Variants in CNTNAP2 observed in about 807,000 individuals in gnomAD.
The protein encoded by CNTNAP2 is contactin associated protein 2, also known as contactin-associated protein-like 2.
Under a neutral mutation model 155.2 loss-of-function variants are expected in CNTNAP2, and 98 were observed. The ratio of observed to expected loss-of-function variants is 0.63; its 90% CI spans 0.54 to 0.75. CNTNAP2 has a LOEUF of 0.75. Among genes scored for constraint, CNTNAP2 ranks in the 30% least tolerant of loss-of-function variants. The pLI, the probability that CNTNAP2 is intolerant of heterozygous loss-of-function variation, is 0.00. For missense variants in CNTNAP2, 1,727 were observed against 1,688.1 expected (o/e 1.02, Z -0.40); for synonymous variants, 651 against 631.2 (o/e 1.03, Z -0.47).
chr7:147,019,743 T>A (rs1190370949), intron 3 of CNTNAP2, among the ~76,000 whole-genome samples: 1 of 152,070 alleles, frequency 6.6e-6, no homozygotes, highest in Non-Finnish European at 1.5e-5. Flanking sequence ...AAAACAAGTG[T>A]GTGAATCTTT....
chr7:146,521,145 G>A (rs995327404), intron 1 of CNTNAP2, among the ~76,000 whole-genome samples: 1 of 151,782 alleles, frequency 6.6e-6, no homozygotes, highest in African/African-American at 2.4e-5. Context: ...TGTAACAGAG[G>A]TTGCCAAGCC....
At chr7:146,252,897 T>C (rs953398820) in intron 1 of CNTNAP2, among the ~76,000 whole-genome samples, 3 of 152,084 alleles carry the variant, frequency 2.0e-5, no homozygotes, top group African/African-American at 7.2e-5. Context: ...ATGATAATAA[T>C]GAGAGCAACA....
intron 8 of CNTNAP2, among the ~76,000 whole-genome samples, chr7:147,141,372 G>A (rs190042817): frequency 6.6e-6 from 1 of 152,032 alleles, no homozygotes; most frequent in African/African-American, 2.4e-5. Flanking sequence ...ATTTGTTAGG[G>A]TATAGGCGTT....
chr7:147,009,044 C>A (rs150942193), intron 3 of CNTNAP2, among the ~76,000 whole-genome samples: 3 of 150,824 alleles, frequency 2.0e-5, no homozygotes, highest in African/African-American at 7.3e-5. Flanking sequence ...TACTCCAAAG[C>A]TTTTCATTAA....
intron 13 of CNTNAP2, among the ~76,000 whole-genome samples, chr7:147,860,895 A>G (rs541997908): frequency 6.6e-6 from 1 of 152,332 alleles, no homozygotes; most frequent in African/African-American, 2.4e-5. Context: ...CTATCAAACT[A>G]TCTTTAAGAT....
At chr7:147,712,204 T>C (rs1796410175) in intron 13 of CNTNAP2, among the ~76,000 whole-genome samples, 1 of 152,138 alleles carries the variant, frequency 6.6e-6, no homozygotes, top group Admixed American at 6.5e-5. Flanking sequence ...AGATACCATC[T>C]CACACCAGTT....
chr7:146,700,625 C>G (rs1017644871), intron 1 of CNTNAP2, among the ~76,000 whole-genome samples: 4 of 151,968 alleles, frequency 2.6e-5, no homozygotes, highest in African/African-American at 9.7e-5. Context: ...GAAGTTATAT[C>G]AGAATAAGAA....
intron 15 of CNTNAP2, among the ~76,000 whole-genome samples, chr7:148,059,590 C>CAAA (rs200397254): frequency 1.4e-5 from 1 of 72,752 alleles, no homozygotes; most frequent in East Asian, 3.2e-4. Flanking sequence ...AACTCTGTCT[C>CAAA]AAAAAAAAAA....
intron 8 of CNTNAP2, among the ~76,000 whole-genome samples, chr7:147,202,044 T>G (rs1802932652): frequency 6.6e-6 from 1 of 152,070 alleles, no homozygotes; most frequent in Non-Finnish European, 1.5e-5. Context: ...CCATAAATAT[T>G]TGCATTACGA....
intron 9 of CNTNAP2, among the ~76,000 whole-genome samples, chr7:147,329,825 G>GAA (rs1795525300): frequency 1.3e-5 from 2 of 151,874 alleles, no homozygotes; most frequent in African/African-American, 4.8e-5. Flanking sequence ...CCTTTGTCAC[G>GAA]GTGCACTTAT....
rs144315401 is a variant in CNTNAP2, at chr7:147,617,398, T to C, written c.1898-21708T>C. ...TTGTGTCCCCAGAGCCTGGCACTAC[T>C]GGACCAGATCAGGAACTTAATAAAT... On this transcript the variant is annotated intron_variant, in intron 12 of 23. Transcript: ENST00000361727. Among the ~76,000 whole-genome samples, 171 of 152,346 alleles carry C rather than the reference T, an allele frequency of 1.1e-3. 1 individual carries two copies. The highest frequency in any genetic ancestry group is 4.0e-3 in the African/African-American group (168 of 41,574).
intron 2 of CNTNAP2, among the ~76,000 whole-genome samples, chr7:146,797,505 G>A (rs746483835): frequency 1.3e-5 from 2 of 152,166 alleles, no homozygotes; most frequent in Non-Finnish European, 1.5e-5. Context: ...GCCTTGTGGA[G>A]GATGAACTGA....
At chr7:147,551,932 G>A (rs1799861394) in intron 11 of CNTNAP2, among the ~76,000 whole-genome samples, 1 of 152,044 alleles carries the variant, frequency 6.6e-6, no homozygotes, top group Non-Finnish European at 1.5e-5. Context: ...AGATTATTAT[G>A]GCCTTTTGAA....
intron 4 of CNTNAP2, among the ~76,000 whole-genome samples, chr7:147,098,470 A>G (rs895394056): frequency 2.6e-5 from 4 of 152,036 alleles, no homozygotes; most frequent in Non-Finnish European, 4.4e-5. Context: ...AACTCACCCC[A>G]TTACTTCCAC....
intron 1 of CNTNAP2, among the ~76,000 whole-genome samples, chr7:146,406,296 T>C (rs1322536572): frequency 6.6e-6 from 1 of 152,232 alleles, no homozygotes; most frequent in Non-Finnish European, 1.5e-5. Flanking sequence ...ACAAATTCTA[T>C]TTTTTAACAA....
At chr7:147,725,979 T>C (rs896989510) in intron 13 of CNTNAP2, among the ~76,000 whole-genome samples, 4 of 152,018 alleles carry the variant, frequency 2.6e-5, no homozygotes, top group Non-Finnish European at 5.9e-5. Flanking sequence ...GGATGTTTTC[T>C]TTTTAACAAG....
At chr7:147,562,919 T>C (rs568608299) in intron 12 of CNTNAP2, among the ~76,000 whole-genome samples, 214 of 152,150 alleles carry the variant, frequency 1.4e-3, no homozygotes, top group African/African-American at 5.0e-3. Flanking sequence ...CAGAGGAAGG[T>C]GTGAGGTATG....
chr7:147,253,592 G>T (rs1293695506), intron 8 of CNTNAP2, among the ~76,000 whole-genome samples: 1 of 152,136 alleles, frequency 6.6e-6, no homozygotes, highest in Non-Finnish European at 1.5e-5. Flanking sequence ...GAATAACCAG[G>T]TGTACATAAT....
intron 11 of CNTNAP2, among the ~76,000 whole-genome samples, chr7:147,493,316 G>C (rs903796204): frequency 1.4e-4 from 21 of 152,184 alleles, no homozygotes; most frequent in African/African-American, 5.1e-4. Context: ...GTATTATCTA[G>C]TCAGGTTGTG....
Sources: gnomAD v4.1 joint callset for allele counts (sites outside exome capture counted in the v4.1 genomes callset) on GRCh38, gnomAD v4.1.1 for gene constraint, MANE v1.5 for transcripts, NCBI Gene and HGNC (gene_info 2026-07-23, HGNC 2026-07-21) for gene names.